MYCBP2: variants seen among roughly 807,000 people sequenced by gnomAD.
The protein encoded by MYCBP2 is MYC binding protein 2.
Under a neutral mutation model 525.3 loss-of-function variants are expected in MYCBP2, and 120 were observed. That is an observed-to-expected ratio of 0.23 (90% confidence interval 0.20 to 0.27). The LOEUF (loss-of-function observed/expected upper bound fraction) is 0.27, where lower values mean the gene tolerates loss of function less well. Ranked by LOEUF, MYCBP2 falls within the 10% of genes least tolerant of loss-of-function variation. The pLI is 1.00. For synonymous variants in MYCBP2, 1,894 were observed against 1,955.8 expected (o/e 0.97, Z 0.83); for missense variants, 4,149 against 5,657.1 (o/e 0.73, Z 8.55).
chr13:77,325,437 C>T (rs563580213), intron 1 of MYCBP2, among the ~76,000 whole-genome samples: 3 of 152,056 alleles, frequency 2.0e-5, no homozygotes, highest in African/African-American at 4.8e-5. Flanking sequence ...TCAGGGTATG[C>T]GGCATGTAAG....
chr13:77,206,930 C>T, intron 23 of MYCBP2, 105 bp from the exon 24 acceptor site: 6 of 987,446 alleles, frequency 6.1e-6, no homozygotes, highest in Non-Finnish European at 8.4e-6. Context: ...ATATAGTCAG[C>T]TTAAAGAGGA....
rs557110135 is a variant in MYCBP2, at chr13:77,262,861, A to C, written c.1571-732T>G. The stretch of plus-strand genomic sequence containing the variant: ...TTTAAATCTGTAATTTCAATTCAAG[A>C]TTTTTCTAGGGAAGAATTATAAAAA... On this transcript the variant is annotated intron_variant, in intron 10 of 82. Coordinates refer to ENST00000544440, the MANE Select transcript of MYCBP2 (RefSeq NM_015057.5). Among the ~76,000 whole-genome samples the C allele has an allele frequency of 1.6e-4, 25 of 152,070 alleles. No homozygotes were observed. The East Asian group carries it at 2.9e-3, about 18-fold the overall frequency.
chr13:77,282,849 C>G (rs988476019), intron 3 of MYCBP2, among the ~76,000 whole-genome samples: 1 of 152,120 alleles, frequency 6.6e-6, no homozygotes, highest in African/African-American at 2.4e-5. Flanking sequence ...TAGATTCTGC[C>G]TTCTTTTTCA....
At chr13:77,143,944 C>T (rs755716004) in intron 49 of MYCBP2, among the ~76,000 whole-genome samples, 10 of 152,230 alleles carry the variant, frequency 6.6e-5, no homozygotes, top group Non-Finnish European at 1.2e-4. Flanking sequence ...CTGTTCGTCA[C>T]TGACCAAAAT....
intron 1 of MYCBP2, among the ~76,000 whole-genome samples, chr13:77,297,135 C>T (rs2078275036): frequency 6.6e-6 from 1 of 152,112 alleles, no homozygotes; most frequent in Admixed American, 6.6e-5. Flanking sequence ...CTCCAGCAGC[C>T]AGTCTGGATA....
chr13:77,302,049 C>T (rs547085302), intron 1 of MYCBP2, among the ~76,000 whole-genome samples: 1 of 151,638 alleles, frequency 6.6e-6, no homozygotes, highest in Non-Finnish European at 1.5e-5. Flanking sequence ...AAACAGAGAA[C>T]GAGACATGTG....
intron 4 of MYCBP2, among the ~76,000 whole-genome samples, chr13:77,278,216 G>C (rs1363178961): frequency 6.6e-6 from 1 of 152,122 alleles, no homozygotes; most frequent in African/African-American, 2.4e-5. Context: ...AAACTATTGA[G>C]AGTAACAAGT....
chr13:77,149,386 C>CTT (rs544204271), intron 47 of MYCBP2, among the ~76,000 whole-genome samples: 1 of 143,520 alleles, frequency 7.0e-6, no homozygotes, highest in Non-Finnish European at 1.5e-5. Context: ...GCTTGGAAAT[C>CTT]TTTTTTTTTT....
intron 44 of MYCBP2, among the ~76,000 whole-genome samples, chr13:77,159,199 C>T (rs1366179892): frequency 6.6e-6 from 1 of 152,134 alleles, no homozygotes; most frequent in Non-Finnish European, 1.5e-5. Context: ...AAGTTACCAT[C>T]CCTGAATCTG....
chr13:77,073,936 T>C (rs999647145), intron 68 of MYCBP2, among the ~76,000 whole-genome samples: 7 of 151,944 alleles, frequency 4.6e-5, no homozygotes, highest in Admixed American at 6.6e-5. Context: ...CTCAATATTA[T>C]TGACATGGCG....
chr13:77,268,584 AGCCTG>A (rs1258358000), intron 7 of MYCBP2, among the ~76,000 whole-genome samples: 1 of 152,078 alleles, frequency 6.6e-6, no homozygotes, highest in Non-Finnish European at 1.5e-5. Flanking sequence ...GTTCGAGACA[AGCCTG>A]GCCGGCATGG....
chr13:77,296,555 C>A, intron 2 of MYCBP2, 44 bp downstream of exon 2: 1 of 1,528,164 alleles, frequency 6.5e-7, no homozygotes, highest in South Asian at 1.3e-5. Flanking sequence ...TTCAAATCAC[C>A]ATATGAAAAA....
intron 1 of MYCBP2, among the ~76,000 whole-genome samples, chr13:77,324,787 A>G (rs1210260711): frequency 1.3e-5 from 2 of 152,246 alleles, no homozygotes; most frequent in Non-Finnish European, 2.9e-5. Flanking sequence ...CACTAGTAGT[A>G]GGAAGTCAAA....
chr13:77,137,592 T>G (rs2053953282), intron 52 of MYCBP2, among the ~76,000 whole-genome samples: 1 of 151,910 alleles, frequency 6.6e-6, no homozygotes, highest in Non-Finnish European at 1.5e-5. Context: ...ATCTCTATAT[T>G]TTTGTGTTTT....
chr13:77,089,651 T>G (rs1408352070), intron 60 of MYCBP2, among the ~76,000 whole-genome samples: 1 of 151,942 alleles, frequency 6.6e-6, no homozygotes, highest in Non-Finnish European at 1.5e-5. Flanking sequence ...GTAACTGTTT[T>G]TTTTTTTTTT....
chr13:77,115,573 T>C (rs1051429982), intron 55 of MYCBP2, among the ~76,000 whole-genome samples: 15 of 151,980 alleles, frequency 9.9e-5, no homozygotes, highest in South Asian at 8.3e-4. Flanking sequence ...CCAAATATTC[T>C]ATTTTATGGA....
At chr13:77,271,662 G>A (rs1449581739) in intron 5 of MYCBP2, among the ~76,000 whole-genome samples, 4 of 152,128 alleles carry the variant, frequency 2.6e-5, no homozygotes, top group African/African-American at 7.2e-5. Context: ...CCCTGAACAA[G>A]CTCTCTTTGC....
intron 71 of MYCBP2, 57 bp from the exon 72 acceptor site, chr13:77,066,145 G>T: frequency 8.7e-7 from 1 of 1,147,938 alleles, no homozygotes; most frequent in Non-Finnish European, 1.3e-6. Context: ...AGTAACAAAT[G>T]AAAAAGATGA....
chr13:77,139,375 G>A (rs2054237661), intron 51 of MYCBP2, 39 bp from the exon 52 acceptor site: 1 of 1,598,200 alleles, frequency 6.3e-7, no homozygotes, highest in Non-Finnish European at 8.5e-7. Context: ...AGGCCTTCCT[G>A]TAAGTCCTAT....
Sources: allele counts gnomAD v4.1 joint callset (sites outside exome capture counted in the v4.1 genomes callset), GRCh38; gene constraint gnomAD v4.1.1; transcripts MANE v1.5; gene names NCBI Gene and HGNC (gene_info 2026-07-23, HGNC 2026-07-21).